The following KRT8 variants were observed in gnomAD, a reference collection of about 807,000 sequenced individuals.
KRT8 encodes the protein keratin, type II cytoskeletal 8.
Under a neutral mutation model 43.0 loss-of-function variants are expected in KRT8, and 24 were observed. The ratio of observed to expected loss-of-function variants is 0.56; its 90% CI spans 0.40 to 0.78. The LOEUF (loss-of-function observed/expected upper bound fraction) is 0.78, where lower values mean the gene tolerates loss of function less well. KRT8 is among the 30% of genes least tolerant of loss of function. The pLI, the probability that KRT8 is intolerant of heterozygous loss-of-function variation, is 0.00. For synonymous variants in KRT8, 214 were observed against 261.2 expected, an observed-to-expected ratio of 0.82 and a Z score of 1.74; for missense variants, 492 against 638.4, an observed-to-expected ratio of 0.77 and a Z score of 2.47.
chr12:52,935,747 A>G (rs2120712503), intron 2 of KRT8, among the ~76,000 whole-genome samples: 1 of 152,006 alleles, frequency 6.6e-6, no homozygotes, highest in South Asian at 2.1e-4. Context: ...GGCCTCAAGC[A>G]ATCCTCCTGC....
intron 2 of KRT8, among the ~76,000 whole-genome samples, chr12:52,914,826 T>C (rs1487717619): frequency 6.6e-6 from 1 of 152,230 alleles, no homozygotes. Context: ...TTCCTCCATG[T>C]TAGCTTCGTC....
At chr12:52,907,967 A>G (rs957205767), upstream of KRT8, among the ~76,000 whole-genome samples, 3 of 152,222 alleles carry the variant, frequency 2.0e-5, no homozygotes, top group African/African-American at 7.2e-5. Context: ...GACAAAAGGG[A>G]ACAACGTGTT....
chr12:52,930,320 C>G (rs1475564361), intron 2 of KRT8, among the ~76,000 whole-genome samples: 3 of 151,908 alleles, frequency 2.0e-5, no homozygotes, highest in Non-Finnish European at 4.4e-5. Context: ...CAGGTTCAAG[C>G]GATTCTGCTG....
chr12:52,899,897 C>T (rs1341013992), exon 5 of KRT8: 4 of 1,612,856 alleles, frequency 2.5e-6, no homozygotes, highest in African/African-American at 1.3e-5. Context: ...TGCAGCTCCT[C>T]ATACTTGATC....
chr12:52,933,194 C>T (rs1942112659), intron 2 of KRT8, among the ~76,000 whole-genome samples: 1 of 152,182 alleles, frequency 6.6e-6, no homozygotes, highest in South Asian at 2.1e-4. Context: ...AATCTGCCCA[C>T]CTCAGCCTCC....
intron 2 of KRT8, among the ~76,000 whole-genome samples, chr12:52,921,576 C>G (rs1425513172): frequency 6.6e-6 from 1 of 152,020 alleles, no homozygotes; most frequent in Non-Finnish European, 1.5e-5. Flanking sequence ...GCCCAGGGCC[C>G]CTCCTTCCTC....
At chr12:52,921,378 T>C (rs895119670) in intron 2 of KRT8, among the ~76,000 whole-genome samples, 13 of 152,130 alleles carry the variant, frequency 8.5e-5, no homozygotes, top group African/African-American at 3.1e-4. Flanking sequence ...CAGTACTTCT[T>C]GCTCACAATT....
At chr12:52,927,655 G>A (rs968160864) in intron 2 of KRT8, among the ~76,000 whole-genome samples, 7 of 152,178 alleles carry the variant, frequency 4.6e-5, no homozygotes, top group South Asian at 2.1e-4. Context: ...GGGCAGAGCC[G>A]AGCCTGAAAT....
intron 2 of KRT8, among the ~76,000 whole-genome samples, chr12:52,937,702 A>G (rs919577030): frequency 3.7e-4 from 55 of 150,430 alleles, no homozygotes; most frequent in Non-Finnish European, 6.2e-4. Flanking sequence ...AAAAAAAAAA[A>G]GAAGAAGAAA....
chr12:52,902,282 T>C (rs1402601023), intron 1 of KRT8: 8 of 593,782 alleles, frequency 1.3e-5, no homozygotes, highest in Non-Finnish European at 2.1e-5. Flanking sequence ...TCCCTCAGCA[T>C]TGGGTAGGGG....
chr12:52,916,224 G>A (rs1592172846), intron 2 of KRT8, among the ~76,000 whole-genome samples: 1 of 152,084 alleles, frequency 6.6e-6, no homozygotes, highest in Admixed American at 6.6e-5. Context: ...TGGCTGGGGT[G>A]TTCAGGATAG....
chr12:52,931,307 T>C (rs1021754214), intron 2 of KRT8, among the ~76,000 whole-genome samples: 6 of 151,978 alleles, frequency 3.9e-5, no homozygotes, highest in Admixed American at 3.3e-4. Context: ...GACCTCGTGA[T>C]CCTCCCGCCT....
intron 2 of KRT8, chr12:52,948,991 C>A: frequency 2.1e-6 from 1 of 480,944 alleles, no homozygotes; most frequent in Non-Finnish European, 3.6e-6. Context: ...GGGCCCGGGG[C>A]GGAGCGGCCC....
intron 2 of KRT8, among the ~76,000 whole-genome samples, chr12:52,927,991 C>T (rs1288019258): frequency 6.6e-6 from 1 of 152,158 alleles, no homozygotes; most frequent in Non-Finnish European, 1.5e-5. Flanking sequence ...GCGGGAGGCG[C>T]AGGTTGCAGT....
Position 52,918,197 on chromosome 12 carries a change from A to AAGAAGAAGAAGAAGAAGAAGAAGAAGG in KRT8, c.-46-13171_-46-13170insCCTTCTTCTTCTTCTTCTTCTTCTTCT, listed in dbSNP as rs1565725657. ...GAGGAAGAGGAAGAAGAAGAAGAAGAAGAAGAACAAGAAGAAGAAGAAGAA... is the reference window on the plus strand; with the variant it reads ...GAGGAAGAGGAAGAAGAAGAAGAAGAAGAAGAAGAAGAAGAAGAAGAAGAAGGAGAAGAACAAGAAGAAGAAGAAGAA... On this transcript the variant is annotated intron_variant, in intron 2 of 6. Coordinates refer to the KRT8 transcript ENST00000546826. Among the ~76,000 whole-genome samples, 20 of 123,396 alleles carry AAGAAGAAGAAGAAGAAGAAGAAGAAGG rather than the reference A, an allele frequency of 1.6e-4. 2 individuals carry two copies. Among genetic ancestry groups the AAGAAGAAGAAGAAGAAGAAGAAGAAGG allele is most frequent in the Non-Finnish European group, 2.8e-4 (17 of 59,944 alleles). The allele number at this position is 123,396 out of a possible 152,430, so 81.0% of individuals were successfully genotyped here.
At chr12:52,926,338 C>CCCCCCCCCCCCCCCCGGCAGTTG in intron 2 of KRT8, 1 of 752,530 alleles carries the variant, frequency 1.3e-6, no homozygotes, top group Non-Finnish European at 2.2e-6. Context: ...AGCTGCCCTC[C>CCCCCCCCCCCCCCCCGGCAGTTG]CCACCCCACC....
At chr12:52,944,206 G>GT in intron 2 of KRT8, among the ~76,000 whole-genome samples, 1 of 152,188 alleles carries the variant, frequency 6.6e-6, no homozygotes, top group East Asian at 1.9e-4. Flanking sequence ...GACCAAGCTA[G>GT]TAAAGGCTGC....
chr12:52,926,624 G>A (rs1941997657), intron 2 of KRT8, among the ~76,000 whole-genome samples: 1 of 152,082 alleles, frequency 6.6e-6, no homozygotes, highest in Non-Finnish European at 1.5e-5. Flanking sequence ...CTCCCTGATT[G>A]TAAACCTGAT....
At chr12:52,921,033 G>A (rs1042962810) in intron 2 of KRT8, among the ~76,000 whole-genome samples, 3 of 152,178 alleles carry the variant, frequency 2.0e-5, no homozygotes, top group African/African-American at 7.2e-5. Flanking sequence ...CCCCAACTCA[G>A]ATACAATGAC....
Sources: gnomAD v4.1 joint callset for allele counts (sites outside exome capture counted in the v4.1 genomes callset) on GRCh38, gnomAD v4.1.1 for gene constraint, MANE v1.5 for transcripts, NCBI Gene and HGNC (gene_info 2026-07-23, HGNC 2026-07-21) for gene names.